PTPRD: variants seen among roughly 807,000 people sequenced by gnomAD.
PTPRD encodes protein tyrosine phosphatase receptor type D.
PTPRD carries 34 observed loss-of-function variants against 214.5 expected under a neutral mutation model. The ratio of observed to expected loss-of-function variants is 0.16; its 90% CI spans 0.12 to 0.21. The LOEUF is 0.21. PTPRD is among the 10% of genes least tolerant of loss of function. The pLI, the probability that PTPRD is intolerant of heterozygous loss-of-function variation, is 1.00. For missense variants in PTPRD, 2,545 were observed against 2,398.7 expected, an observed-to-expected ratio of 1.06 and a Z score of -1.27; for synonymous variants, 1,128 against 845.7, an observed-to-expected ratio of 1.33 and a Z score of -5.79.
intron 5 of PTPRD, among the ~76,000 whole-genome samples, chr9:9,807,870 A>C (rs1348270360): frequency 6.6e-6 from 1 of 152,194 alleles, no homozygotes; most frequent in East Asian, 1.9e-4. Context: ...CTGATGACTC[A>C]TATAATTCTG....
chr9:10,582,368 G>T (rs942070347), intron 2 of PTPRD, among the ~76,000 whole-genome samples: 2 of 151,956 alleles, frequency 1.3e-5, no homozygotes, highest in Non-Finnish European at 2.9e-5. Flanking sequence ...CAAGCATAAG[G>T]TTTCAACAAA....
chr9:8,806,603 C>T (rs899858033), intron 11 of PTPRD, among the ~76,000 whole-genome samples: 3 of 152,136 alleles, frequency 2.0e-5, no homozygotes, highest in Admixed American at 6.5e-5. Flanking sequence ...TTGACAAAGC[C>T]TTCCTGAAAT....
In PTPRD at chr9:10,612,979, T is replaced by G. The variant is rs2133867756; in HGVS notation, c.-999A>C. Among the ~76,000 whole-genome samples the G allele has an allele frequency of 6.6e-6, 1 of 150,990 alleles. No individual in the cohort carries two copies. Among genetic ancestry groups the G allele is most frequent in the African/African-American group, 2.4e-5 (1 of 41,250 alleles). On this transcript the variant is annotated 5_prime_UTR_variant, in exon 1 of 46. Coordinates refer to ENST00000381196, the MANE Select transcript of PTPRD (RefSeq NM_002839.4). ...CACTCGCTCGCTCGCTCGCTGGCGC[T>G]CCCTCCTCGTCTCGCTCGCACTCAC...
chr9:9,041,558 T>C (rs751270456), intron 10 of PTPRD, among the ~76,000 whole-genome samples: 3 of 152,226 alleles, frequency 2.0e-5, no homozygotes, highest in South Asian at 2.1e-4. Context: ...TTCTTTTTGA[T>C]GGCTGCATAG....
chr9:10,121,843 T>A (rs1405514785), intron 3 of PTPRD, among the ~76,000 whole-genome samples: 4 of 152,060 alleles, frequency 2.6e-5, no homozygotes, highest in African/African-American at 9.7e-5. Flanking sequence ...GGATTGAGGG[T>A]GAAGTGTGAC....
At chr9:9,754,953 A>C (rs975703411) in intron 6 of PTPRD, among the ~76,000 whole-genome samples, 8 of 152,046 alleles carry the variant, frequency 5.3e-5, no homozygotes, top group African/African-American at 1.9e-4. Flanking sequence ...TTAGACTTTA[A>C]GGACTTGAAA....
intron 3 of PTPRD, among the ~76,000 whole-genome samples, chr9:10,337,935 A>T (rs1470807259): frequency 1.3e-5 from 2 of 151,700 alleles, no homozygotes. Context: ...CGTTTTCAGC[A>T]ATTGCATTTT....
At chr9:10,220,829 A>G (rs941185655) in intron 3 of PTPRD, among the ~76,000 whole-genome samples, 1 of 151,952 alleles carries the variant, frequency 6.6e-6, no homozygotes, top group Non-Finnish European at 1.5e-5. Context: ...AATTTTATAA[A>G]TGGCATTAAA....
At chr9:10,297,614 C>T (rs1337016778) in intron 3 of PTPRD, among the ~76,000 whole-genome samples, 2 of 150,532 alleles carry the variant, frequency 1.3e-5, no homozygotes, top group African/African-American at 2.4e-5. Flanking sequence ...ATGCAAGTTG[C>T]TGGTGTACAC....
intron 11 of PTPRD, among the ~76,000 whole-genome samples, chr9:8,751,571 A>G (rs950090472): frequency 6.6e-6 from 1 of 152,196 alleles, no homozygotes; most frequent in Admixed American, 6.5e-5. Context: ...CCAATAATTC[A>G]AACATTCTTT....
intron 9 of PTPRD, among the ~76,000 whole-genome samples, chr9:9,372,533 A>G (rs2059800525): frequency 6.6e-6 from 1 of 152,126 alleles, no homozygotes; most frequent in South Asian, 2.1e-4. Flanking sequence ...GGTTTCCTGA[A>G]TACAGCACAC....
Position 8,465,567 on chromosome 9 carries a change from G to A in PTPRD, c.3613C>T (p.Leu1205=). The change falls in exon 32 of 46, where the codon CTG becomes TTG. Residue 1205 remains leucine (L), a synonymous_variant. Transcript: ENST00000381196. ...CCACCATAATGCTTGTCATCCCCCAGGGTGAACTCAGTGGGAAGGACATCA... is the reference window on the plus strand; with the variant it reads ...CCACCATAATGCTTGTCATCCCCCAAGGTGAACTCAGTGGGAAGGACATCA... ...HFDVLPTEFT[L]GDDKHYGGFT... is the part of the protein sequence containing the mutation. 1 of 1,612,540 alleles carries A rather than the reference G, an allele frequency of 6.2e-7. No individual in the cohort carries two copies. Among genetic ancestry groups the A allele is most frequent in the African/African-American group, 1.3e-5 (1 of 74,886 alleles).
At chr9:9,889,642 A>T (rs112022542) in intron 5 of PTPRD, among the ~76,000 whole-genome samples, 2 of 152,242 alleles carry the variant, frequency 1.3e-5, no homozygotes, top group African/African-American at 2.4e-5. Flanking sequence ...GTTCTGTGAC[A>T]AAGTAGCTGG....
intron 3 of PTPRD, among the ~76,000 whole-genome samples, chr9:10,123,976 T>C (rs1467928338): frequency 1.3e-5 from 2 of 152,172 alleles, no homozygotes; most frequent in African/African-American, 2.4e-5. Flanking sequence ...TGCCAAACAA[T>C]GTAGGTGTGA....
intron 14 of PTPRD, among the ~76,000 whole-genome samples, chr9:8,548,608 T>C (rs2081023902): frequency 6.7e-6 from 1 of 150,360 alleles, no homozygotes; most frequent in African/African-American, 2.4e-5. Context: ...CCTCAAGTGA[T>C]CCACTTGCCT....
intron 14 of PTPRD, among the ~76,000 whole-genome samples, chr9:8,596,116 T>C (rs1357924111): frequency 6.6e-6 from 1 of 152,112 alleles, no homozygotes; most frequent in East Asian, 1.9e-4. Flanking sequence ...AACTATAGAA[T>C]TCATAGTAAT....
At chr9:9,721,185 A>G (rs2097934856) in intron 7 of PTPRD, among the ~76,000 whole-genome samples, 1 of 152,144 alleles carries the variant, frequency 6.6e-6, no homozygotes, top group African/African-American at 2.4e-5. Context: ...TTTTAAAAAG[A>G]GTATAGAAAG....
chr9:8,551,331 A>C (rs953788290), intron 14 of PTPRD, among the ~76,000 whole-genome samples: 1 of 152,202 alleles, frequency 6.6e-6, no homozygotes, highest in Non-Finnish European at 1.5e-5. Context: ...ATTTAATATG[A>C]AAGTTTTCAT....
At chr9:10,206,625 A>G (rs960121308) in intron 3 of PTPRD, among the ~76,000 whole-genome samples, 1 of 152,232 alleles carries the variant, frequency 6.6e-6, no homozygotes, top group East Asian at 1.9e-4. Flanking sequence ...TTATATCTCA[A>G]CTAAGGTGGA....
Sources: allele counts gnomAD v4.1 joint callset (sites outside exome capture counted in the v4.1 genomes callset), GRCh38; gene constraint gnomAD v4.1.1; transcripts MANE v1.5; gene names NCBI Gene and HGNC (gene_info 2026-07-23, HGNC 2026-07-21).